Variants in CARNMT1 observed in about 807,000 individuals in gnomAD.
CARNMT1 encodes the protein carnosine N-methyltransferase 1.
A neutral mutation model predicts 49.6 loss-of-function variants in CARNMT1; 28 were observed. That is an observed-to-expected ratio of 0.56 (90% confidence interval 0.42 to 0.77). CARNMT1 has a LOEUF of 0.77. Ranked by LOEUF, CARNMT1 falls within the 30% of genes least tolerant of loss-of-function variation. The pLI is 0.00. For synonymous variants in CARNMT1, 178 were observed against 175.0 expected, an observed-to-expected ratio of 1.02 and a Z score of -0.13; for missense variants, 421 against 512.6, an observed-to-expected ratio of 0.82 and a Z score of 1.73.
intron 3 of CARNMT1, among the ~76,000 whole-genome samples, chr9:75,005,770 G>A (rs1481207571): frequency 6.7e-6 from 1 of 149,788 alleles, no homozygotes; most frequent in East Asian, 2.0e-4. Flanking sequence ...ACCGAGCCCG[G>A]CAAGTATATG....
intron 3 of CARNMT1, among the ~76,000 whole-genome samples, chr9:75,011,358 C>CATTATTATTATTG (rs1402368321): frequency 6.6e-6 from 1 of 152,088 alleles, no homozygotes; most frequent in Non-Finnish European, 1.5e-5. Context: ...TGAGATGTCC[C>CATTATTATTATTG]TCCTGTGATT....
chr9:75,015,300 T>C (rs1476870531), intron 3 of CARNMT1, among the ~76,000 whole-genome samples: 1 of 152,236 alleles, frequency 6.6e-6, no homozygotes, highest in Non-Finnish European at 1.5e-5. Context: ...GCTGAAGTTC[T>C]CAAAACAGTG....
At position 74,996,569 on chromosome 9, in the gene CARNMT1, G is replaced by T; in HGVS notation, c.911-9C>A. 6.7e-7 allele frequency: 1 copy of T among 1,483,722 alleles called. No individual in the cohort carries two copies. The highest frequency in any genetic ancestry group is 1.2e-5 in the South Asian group (1 of 80,880). 91.9% of individuals were successfully genotyped at this position (1,483,722 alleles called of 1,614,324 possible). On this transcript the variant is annotated splice_polypyrimidine_tract_variant and intron_variant, in intron 5 of 7. Transcript: ENST00000376834. ...AATACAGTCCCAGGTATCTAATGAAGAAAAATCAAATTACTGCATCTGTTA... is the reference window on the plus strand; with the variant it reads ...AATACAGTCCCAGGTATCTAATGAATAAAAATCAAATTACTGCATCTGTTA...
Position 74,983,755 on chromosome 9 carries a change from C to T in CARNMT1, c.*12G>A. 6.6e-7 allele frequency: 1 copy of T among 1,518,366 alleles called. No individual in the cohort carries two copies. Among genetic ancestry groups the T allele is most frequent in the Non-Finnish European group, 9.0e-7 (1 of 1,113,670 alleles). 94.1% of individuals were successfully genotyped at this position (1,518,366 alleles called of 1,614,324 possible). A position where few individuals can be genotyped will look rare whatever the true frequency, so the allele number is the denominator to read the frequency against. On this transcript the variant is annotated 3_prime_UTR_variant, in exon 8 of 8. Coordinates refer to ENST00000376834, the MANE Select transcript of CARNMT1 (RefSeq NM_152420.3). ...TACTAAACTTTTTTCCAGGTGGTAT[C>T]ACTTGAGACCATTATTGTGGCTTAC...
At chr9:74,988,010 C>T (rs1668876909) in intron 6 of CARNMT1, among the ~76,000 whole-genome samples, 1 of 152,134 alleles carries the variant, frequency 6.6e-6, no homozygotes, top group South Asian at 2.1e-4. Context: ...AACAGAGACA[C>T]ATTCCTCAAA....
intron 1 of CARNMT1, among the ~76,000 whole-genome samples, chr9:75,020,243 T>G (rs975823477): frequency 2.6e-5 from 4 of 151,200 alleles, no homozygotes; most frequent in Admixed American, 6.6e-5. Flanking sequence ...GGAAGTATTT[T>G]TCATTTTCTA....
chr9:74,999,906 A>G, intron 3 of CARNMT1, 36 bp from the exon 4 acceptor site: 1 of 1,559,366 alleles, frequency 6.4e-7, no homozygotes, highest in South Asian at 1.2e-5. Context: ...CCAACCCCTC[A>G]AAGAAAAAAA....
At chr9:74,986,172 C>T (rs1421722562) in intron 6 of CARNMT1, among the ~76,000 whole-genome samples, 1 of 152,110 alleles carries the variant, frequency 6.6e-6, no homozygotes, top group Non-Finnish European at 1.5e-5. Flanking sequence ...AATTATAAAT[C>T]CTGCAACCAG....
chr9:75,025,011 A>C (rs1178625019), intron 1 of CARNMT1, among the ~76,000 whole-genome samples: 1 of 152,360 alleles, frequency 6.6e-6, no homozygotes, highest in South Asian at 2.1e-4. Flanking sequence ...ATACATTTAC[A>C]CTACTGCACT....
intron 6 of CARNMT1, among the ~76,000 whole-genome samples, chr9:74,995,838 A>G (rs1203115787): frequency 1.3e-5 from 2 of 152,110 alleles, no homozygotes; most frequent in Non-Finnish European, 2.9e-5. Flanking sequence ...TACCCCCTTT[A>G]TTTTAAAAAG....
intron 1 of CARNMT1, among the ~76,000 whole-genome samples, chr9:75,022,694 T>C (rs1822407244): frequency 6.6e-6 from 1 of 152,160 alleles, no homozygotes; most frequent in Non-Finnish European, 1.5e-5. Flanking sequence ...TTCTTCCTAG[T>C]GTTTACTCCC....
At chr9:75,026,333 T>A (rs1822529173) in intron 1 of CARNMT1, among the ~76,000 whole-genome samples, 1 of 152,168 alleles carries the variant, frequency 6.6e-6, no homozygotes. Flanking sequence ...AATATCAATT[T>A]TAAATTGGTC....
intron 6 of CARNMT1, among the ~76,000 whole-genome samples, chr9:74,994,975 A>T (rs1833143750): frequency 6.6e-6 from 1 of 152,146 alleles, no homozygotes; most frequent in Non-Finnish European, 1.5e-5. Context: ...CAAACAGTAT[A>T]CTTATCAGGA....
chr9:75,024,360 G>A (rs1822464633), intron 1 of CARNMT1, among the ~76,000 whole-genome samples: 1 of 152,142 alleles, frequency 6.6e-6, no homozygotes. Context: ...GTGTAACCCT[G>A]AGCAAGTTGC....
chr9:75,008,668 A>G (rs1438622308), intron 3 of CARNMT1, among the ~76,000 whole-genome samples: 1 of 152,254 alleles, frequency 6.6e-6, no homozygotes, highest in African/African-American at 2.4e-5. Flanking sequence ...AACACTGCTG[A>G]GAGAAATTAA....
chr9:75,016,177 T>C lies in CARNMT1; in HGVS notation c.590+91A>G. The C allele has an allele frequency of 7.2e-6, 7 of 969,510 alleles. No homozygotes were observed. In the South Asian group the frequency reaches 9.6e-5, roughly 13 times the overall value. The allele number at this position is 969,510 out of a possible 1,614,324, so 60.1% of individuals were successfully genotyped here. On this transcript the variant is annotated intron_variant, in intron 3 of 7. Transcript: ENST00000376834. ...AAAACATACAGGCACACAGCAACTA[T>C]AACAATGAAGCGAGACTGTGAAACA...
chr9:75,028,341 A>G, upstream of CARNMT1: 1 of 1,308,754 alleles, frequency 7.6e-7, no homozygotes, highest in Non-Finnish European at 9.7e-7. Context: ...CGCCGCGGAC[A>G]TGCCCCCAGC....
chr9:74,997,565 GCACT>G (rs1833223517), intron 5 of CARNMT1, among the ~76,000 whole-genome samples: 2 of 152,032 alleles, frequency 1.3e-5, no homozygotes, highest in East Asian at 1.9e-4. Flanking sequence ...AGCAGAGCAA[GCACT>G]CACTCTACTC....
At chr9:75,000,033 T>C (rs970265355) in intron 3 of CARNMT1, among the ~76,000 whole-genome samples, 163 bp from the exon 4 acceptor site, 7 of 152,288 alleles carry the variant, frequency 4.6e-5, no homozygotes, top group African/African-American at 1.7e-4. Flanking sequence ...AAATAAAAGG[T>C]ATAAGGAATT....
Sources: gnomAD v4.1 joint callset for allele counts (sites outside exome capture counted in the v4.1 genomes callset) on GRCh38, gnomAD v4.1.1 for gene constraint, MANE v1.5 for transcripts, NCBI Gene and HGNC (gene_info 2026-07-23, HGNC 2026-07-21) for gene names.